RGS9: variants seen among roughly 807,000 people sequenced by gnomAD.
The protein encoded by RGS9 is regulator of G protein signaling 9, also known as regulator of G-protein signalling 9.
RGS9 carries 78 observed loss-of-function variants against 102.0 expected under a neutral mutation model. The ratio of observed to expected loss-of-function variants is 0.76; its 90% CI spans 0.64 to 0.92. The LOEUF (loss-of-function observed/expected upper bound fraction) is 0.92, where lower values mean the gene tolerates loss of function less well. Ranked by LOEUF, RGS9 falls within the 40% of genes least tolerant of loss-of-function variation. The pLI, the probability that RGS9 is intolerant of heterozygous loss-of-function variation, is 0.00. For missense variants in RGS9, 833 were observed against 866.1 expected, an observed-to-expected ratio of 0.96 and a Z score of 0.48; for synonymous variants, 353 against 318.6, an observed-to-expected ratio of 1.11 and a Z score of -1.15.
At chr17:65,218,902 G>A (rs938031378) in intron 17 of RGS9, among the ~76,000 whole-genome samples, 13 of 152,348 alleles carry the variant, frequency 8.5e-5, no homozygotes, top group African/African-American at 3.1e-4. Context: ...ACACCCTTGC[G>A]GCATTTGCTG....
chr17:65,142,578 T>C (rs879410762), intron 1 of RGS9, among the ~76,000 whole-genome samples: 21 of 151,144 alleles, frequency 1.4e-4, no homozygotes, highest in Middle Eastern at 3.2e-3. Context: ...TCCTTTCTTT[T>C]TTTTTTTTTT....
At chr17:65,175,428 T>C (rs576746235) in intron 8 of RGS9, among the ~76,000 whole-genome samples, 1 of 152,310 alleles carries the variant, frequency 6.6e-6, no homozygotes, top group East Asian at 1.9e-4. Context: ...GCCCCTGCCA[T>C]GTGAGGTTAG....
chr17:65,215,482 TTCTTTCGTTCTTTCG>T lies in RGS9; in HGVS notation c.1407+4879_1407+4893del, dbSNP rs1567893192. On this transcript the variant is annotated intron_variant, in intron 17 of 18. Transcript: ENST00000262406. Reference sequence around the variant, plus strand: ...TCTTTCTTTCTTTCTTTCTCTATCTTTCTTTCGTTCTTTCGTTCTTTCTTTCTTTCTTTCTTTCTT... The same window carrying T: ...TCTTTCTTTCTTTCTTTCTCTATCTTTTCTTTCTTTCTTTCTTTCTTTCTT... Among the ~76,000 whole-genome samples the T allele has an allele frequency of 4.9e-4, 57 of 115,276 alleles. 1 individual carries two copies. Among genetic ancestry groups the T allele is most frequent in the African/African-American group, 2.1e-3 (55 of 25,724 alleles). The allele number at this position is 115,276 out of a possible 152,430, so 75.6% of individuals were successfully genotyped here. A position where few individuals can be genotyped will look rare whatever the true frequency, so the allele number is the denominator to read the frequency against.
Position 65,225,113 on chromosome 17 carries a change from T to G in RGS9, c.1519T>G (p.Phe507Val). The G allele has an allele frequency of 6.2e-7, 1 of 1,613,840 alleles. No homozygotes were observed. The highest frequency in any genetic ancestry group is 2.2e-5 in the East Asian group (1 of 44,882). Residue 507 changes from phenylalanine (F) to valine (V), a missense_variant, in exon 18 of 19, where the codon TTC (phenylalanine) becomes GTC (valine). Coordinates refer to ENST00000262406, the MANE Select transcript of RGS9 (RefSeq NM_003835.4). ...CTCCTGCCGCTCCCCCAGGAAGCCT[T>G]TCGCCTCACCCAGCCGCTTCATCCG... ...SSSCRSPRKP[F>V]ASPSRFIRRP...
At chr17:65,160,159 G>A (rs1180328375) in intron 3 of RGS9, 74 bp from the exon 4 acceptor site, 11 of 1,139,332 alleles carry the variant, frequency 9.7e-6, no homozygotes, top group East Asian at 2.3e-5. Context: ...GGAGTTTGGG[G>A]TGCCGTGGGG....
At position 65,162,998 on chromosome 17, in the gene RGS9, G is replaced by A; in HGVS notation, c.424-15G>A. On this transcript the variant is annotated splice_polypyrimidine_tract_variant and intron_variant, in intron 6 of 18. Coordinates refer to ENST00000262406, the MANE Select transcript of RGS9 (RefSeq NM_003835.4). ...TCTTGGGGCTTTCTGTTCTCATTTT[G>A]TTTTTCTTCTTTAGGAAAATTACAA... The A allele has an allele frequency of 1.4e-6, 2 of 1,422,314 alleles. No homozygotes were observed. Among genetic ancestry groups the A allele is most frequent in the Non-Finnish European group, 2.0e-6 (2 of 1,009,204 alleles). 88.1% of individuals were successfully genotyped at this position (1,422,314 alleles called of 1,614,324 possible).
rs1023095915 is a variant in RGS9, at chr17:65,227,699, T to C, written c.*292T>C. The C allele has an allele frequency of 2.6e-5, 12 of 453,400 alleles. No homozygotes were observed. In the East Asian group the frequency reaches 5.3e-4, roughly 20 times the overall value. 28.1% of individuals were successfully genotyped at this position (453,400 alleles called of 1,614,324 possible). On this transcript the variant is annotated 3_prime_UTR_variant, in exon 19 of 19. Transcript: ENST00000262406. ...AATAAAAGGTTAACTTTAAGTTTCT[T>C]GGAATGTTAGTGTGTGTCTGGTTTT...
chr17:65,204,074 G>C, intron 14 of RGS9, 89 bp from the exon 15 acceptor site: 2 of 1,500,416 alleles, frequency 1.3e-6, no homozygotes, highest in Admixed American at 1.7e-5. Context: ...TAACCGATTC[G>C]TATCAGTCCT....
Position 65,137,389 on chromosome 17 carries a change from G to C in RGS9, c.-152G>C. Reference sequence around the variant, plus strand: ...TTTCCAAGTCAGCGGCGCCTAGTGAGAGTCAGGGGGGCCCGGCCCGCGCCC... The same window carrying C: ...TTTCCAAGTCAGCGGCGCCTAGTGACAGTCAGGGGGGCCCGGCCCGCGCCC... On this transcript the variant is annotated 5_prime_UTR_variant, in exon 1 of 19. Transcript: ENST00000262406. The C allele has an allele frequency of 1.4e-6, 1 of 726,700 alleles. No homozygotes were observed. The highest frequency in any genetic ancestry group is 2.4e-6 in the Non-Finnish European group (1 of 413,796). The allele number at this position is 726,700 out of a possible 1,614,324, so 45.0% of individuals were successfully genotyped here.
Position 65,137,408 on chromosome 17 carries a change from C to A in RGS9, c.-133C>A, listed in dbSNP as rs1909946542. The A allele has an allele frequency of 5.8e-6, 5 of 862,834 alleles. No individual in the cohort carries two copies. The East Asian group carries it at 7.6e-5, about 13-fold the overall frequency. 53.4% of individuals were successfully genotyped at this position (862,834 alleles called of 1,614,324 possible). ...TAGTGAGAGTCAGGGGGGCCCGGCC[C>A]GCGCCCTCCCCGCCCAGCCGCCTCC... On this transcript the variant is annotated 5_prime_UTR_variant, in exon 1 of 19. Coordinates refer to ENST00000262406, the MANE Select transcript of RGS9 (RefSeq NM_003835.4).
chr17:65,168,800 A>G (rs1344973055), intron 8 of RGS9, among the ~76,000 whole-genome samples: 1 of 152,080 alleles, frequency 6.6e-6, no homozygotes, highest in Non-Finnish European at 1.5e-5. Flanking sequence ...CCTTGCTTGG[A>G]GCACACTGAA....
chr17:65,195,194 G>C (rs1912537040), intron 12 of RGS9, among the ~76,000 whole-genome samples: 1 of 152,220 alleles, frequency 6.6e-6, no homozygotes, highest in Admixed American at 6.5e-5. Context: ...CTCCCTGGAG[G>C]AGAAGGCAGG....
chr17:65,204,304 A>G lies in RGS9; in HGVS notation c.1203+3A>G. 6.2e-7 allele frequency: 1 copy of G among 1,613,872 alleles called. No homozygotes were observed. The highest frequency in any genetic ancestry group is 8.5e-7 in the Non-Finnish European group (1 of 1,179,984). On this transcript the variant is annotated splice_donor_region_variant and intron_variant, in intron 15 of 18. Coordinates refer to ENST00000262406, the MANE Select transcript of RGS9 (RefSeq NM_003835.4). ...ACATTTACATGCTCATGAAGAAGGT[A>G]GGTGGGTCCGTGCTGTGGATACGGG...
intron 2 of RGS9, among the ~76,000 whole-genome samples, chr17:65,157,696 T>A (rs1187985492): frequency 6.6e-6 from 1 of 152,194 alleles, no homozygotes; most frequent in African/African-American, 2.4e-5. Context: ...GGTCCCAACC[T>A]CCTACCCTGA....
chr17:65,167,777 T>A (rs187478154), intron 7 of RGS9, among the ~76,000 whole-genome samples: 4 of 151,824 alleles, frequency 2.6e-5, no homozygotes, highest in Admixed American at 2.6e-4. Context: ...GTTGGTGGAG[T>A]TGGTTTGATT....
intron 13 of RGS9, among the ~76,000 whole-genome samples, chr17:65,198,614 C>T (rs992286043): frequency 3.3e-5 from 5 of 152,184 alleles, no homozygotes; most frequent in African/African-American, 1.2e-4. Flanking sequence ...AACACGAGGC[C>T]AGATCAGAAC....
At chr17:65,200,009 C>T (rs752301712) in intron 13 of RGS9, among the ~76,000 whole-genome samples, 15 of 151,998 alleles carry the variant, frequency 9.9e-5, no homozygotes, top group East Asian at 3.9e-4. Context: ...GGTGGGAAAA[C>T]GTATGTAACA....
chr17:65,155,907 G>C (rs1821112447), intron 2 of RGS9, among the ~76,000 whole-genome samples: 2 of 152,144 alleles, frequency 1.3e-5, no homozygotes, highest in African/African-American at 4.8e-5. Flanking sequence ...TGCACATGGG[G>C]TTATGGAGAC....
chr17:65,160,729 A>C, intron 5 of RGS9, 122 bp from the exon 6 acceptor site: 1 of 1,389,144 alleles, frequency 7.2e-7, no homozygotes, highest in Non-Finnish European at 1.0e-6. Flanking sequence ...CCCCAGGGGC[A>C]AGGGGCTGGG....
Sources: allele counts gnomAD v4.1 joint callset (sites outside exome capture counted in the v4.1 genomes callset), GRCh38; gene constraint gnomAD v4.1.1; transcripts MANE v1.5; gene names NCBI Gene and HGNC (gene_info 2026-07-23, HGNC 2026-07-21).